Variants in MCU observed in about 807,000 individuals in gnomAD.
MCU encodes the protein mitochondrial calcium uniporter, also known as calcium uniporter protein, mitochondrial.
In MCU, 12 loss-of-function variants were observed where a neutral mutation model predicts 45.2. The observed-to-expected ratio is 0.27, with a 90% CI of 0.17 to 0.43. MCU has a LOEUF of 0.43. MCU is among the 20% of genes least tolerant of loss of function. The pLI is 1.00. For missense variants in MCU, 324 were observed against 436.7 expected, an observed-to-expected ratio of 0.74 and a Z score of 2.30; for synonymous variants, 160 against 165.1, an observed-to-expected ratio of 0.97 and a Z score of 0.24.
chr10:72,808,971 C>T (rs192862471), intron 1 of MCU, among the ~76,000 whole-genome samples: 27 of 152,292 alleles, frequency 1.8e-4, no homozygotes, highest in African/African-American at 5.3e-4. Flanking sequence ...AGAGCCAAAC[C>T]GTATCACCTT....
Position 72,868,869 on chromosome 10 carries a change from A to T in MCU, c.657+6A>T. 2 of 1,611,358 alleles carry T rather than the reference A, an allele frequency of 1.2e-6. No individual in the cohort carries two copies. Among genetic ancestry groups the T allele is most frequent in the South Asian group, 1.1e-5 (1 of 90,862 alleles). On this transcript the variant is annotated splice_donor_region_variant and intron_variant, in intron 5 of 7. Coordinates refer to ENST00000373053, the MANE Select transcript of MCU (RefSeq NM_138357.3). ...AGCTGGCTCCCCTGGAAAAGGTAAAACTTCCAATCTCAGGTTTTTTACCTT... is the reference window on the plus strand; with the variant it reads ...AGCTGGCTCCCCTGGAAAAGGTAAATCTTCCAATCTCAGGTTTTTTACCTT...
intron 1 of MCU, among the ~76,000 whole-genome samples, chr10:72,760,023 A>G (rs1291429742): frequency 2.1e-5 from 3 of 146,056 alleles, no homozygotes; most frequent in Non-Finnish European, 4.5e-5. Context: ...ATGCTACATT[A>G]TTTTTAAATT....
At chr10:72,726,486 G>A (rs1843103584) in intron 1 of MCU, among the ~76,000 whole-genome samples, 1 of 151,926 alleles carries the variant, frequency 6.6e-6, no homozygotes, top group African/African-American at 2.4e-5. Flanking sequence ...TATTTTACTG[G>A]TGGACATTCA....
chr10:72,749,138 T>TG (rs1482754394), intron 1 of MCU, among the ~76,000 whole-genome samples: 1 of 151,990 alleles, frequency 6.6e-6, no homozygotes, highest in Non-Finnish European at 1.5e-5. Context: ...GTTTTTTTTT[T>TG]GCCAGTCATG....
Position 72,879,069 on chromosome 10 carries a change from G to A in MCU, c.862-5197G>A, listed in dbSNP as rs553481913. Among the ~76,000 whole-genome samples the A allele has an allele frequency of 1.4e-3, 220 of 152,260 alleles. 2 individuals are homozygous for A. The highest frequency in any genetic ancestry group is 4.8e-3 in the African/African-American group (201 of 41,546). On this transcript the variant is annotated intron_variant, in intron 6 of 7. Coordinates refer to ENST00000373053, the MANE Select transcript of MCU (RefSeq NM_138357.3). ...ACTTGAAGCCAGGGGTTTGAGACCAGCCTGGCCAACATGGCGAAACCCCTT... is the reference window on the plus strand; with the variant it reads ...ACTTGAAGCCAGGGGTTTGAGACCAACCTGGCCAACATGGCGAAACCCCTT...
At chr10:72,731,599 C>T (rs1843175307) in intron 1 of MCU, among the ~76,000 whole-genome samples, 2 of 152,106 alleles carry the variant, frequency 1.3e-5, no homozygotes, top group Admixed American at 1.3e-4. Flanking sequence ...AAACAACAAT[C>T]CATGTTTAGC....
At chr10:72,841,601 A>G (rs1845048932) in intron 2 of MCU, among the ~76,000 whole-genome samples, 1 of 152,130 alleles carries the variant, frequency 6.6e-6, no homozygotes, top group South Asian at 2.1e-4. Context: ...CCTGACCCCA[A>G]AAAAATTTTT....
chr10:72,853,388 T>G (rs1380333163), intron 2 of MCU, among the ~76,000 whole-genome samples: 1 of 151,976 alleles, frequency 6.6e-6, no homozygotes, highest in Non-Finnish European at 1.5e-5. Context: ...ACCAGGAAAT[T>G]AGACACTGCA....
At chr10:72,715,231 G>A in intron 1 of MCU, 1 of 943,970 alleles carries the variant, frequency 1.1e-6, no homozygotes, top group Non-Finnish European at 1.3e-6. Context: ...AGTCAAGTAA[G>A]TGCCTTTTTT....
At position 72,711,633 on chromosome 10, in the gene MCU, C is replaced by T. The variant is rs1005406787; in HGVS notation, c.150+19332C>T. 2.6e-5 allele frequency among the ~76,000 whole-genome samples: 4 copies of T among 151,204 alleles called. No individual in the cohort carries two copies. In the East Asian group the frequency reaches 5.8e-4, roughly 22 times the overall value. On this transcript the variant is annotated intron_variant, in intron 1 of 7. Coordinates refer to ENST00000373053, the MANE Select transcript of MCU (RefSeq NM_138357.3). ...GCTGAGGTGGGAGGATTGCTTGAGG[C>T]CAGTAGTTTGAGGTTACACTGAGCT...
chr10:72,804,788 C>A (rs916835507), intron 1 of MCU, among the ~76,000 whole-genome samples: 12 of 152,276 alleles, frequency 7.9e-5, no homozygotes, highest in Admixed American at 3.3e-4. Flanking sequence ...CGATAAATTT[C>A]TTCTTACTTA....
At chr10:72,787,036 G>A (rs977092285) in intron 1 of MCU, among the ~76,000 whole-genome samples, 31 of 152,018 alleles carry the variant, frequency 2.0e-4, no homozygotes, top group Admixed American at 1.1e-3. Flanking sequence ...TTAATCTCAC[G>A]CTTAAAGGGT....
At chr10:72,707,613 GT>G (rs1842840389) in intron 1 of MCU, among the ~76,000 whole-genome samples, 2 of 140,538 alleles carry the variant, frequency 1.4e-5, no homozygotes, top group Non-Finnish European at 3.0e-5. Context: ...AGTGGTGTGT[GT>G]GTGTGTGTGT....
intron 3 of MCU, chr10:72,860,205 A>G (rs1845355358): frequency 3.8e-6 from 2 of 519,912 alleles, no homozygotes; most frequent in Non-Finnish European, 6.9e-6. Flanking sequence ...ACTTGTTCAT[A>G]TAGTTCACAG....
rs188291387 is a variant in MCU, at chr10:72,752,778, G to C, written c.150+60477G>C. ...GCAGAGCAATGGCTGCTGTGTGACT[G>C]TAAGTTTGGAATTTATGGTAATAGA... On this transcript the variant is annotated intron_variant, in intron 1 of 7. Transcript: ENST00000373053. Among the ~76,000 whole-genome samples the C allele has an allele frequency of 5.9e-5, 9 of 152,298 alleles. No homozygotes were observed. The East Asian group carries it at 1.5e-3, about 26-fold the overall frequency.
chr10:72,837,837 A>G (rs1447778842), intron 2 of MCU, among the ~76,000 whole-genome samples: 1 of 151,804 alleles, frequency 6.6e-6, no homozygotes, highest in African/African-American at 2.4e-5. Context: ...TTGAGAGTGA[A>G]AGGAGATGCC....
At chr10:72,795,517 G>T (rs558223290) in intron 1 of MCU, among the ~76,000 whole-genome samples, 1 of 152,276 alleles carries the variant, frequency 6.6e-6, no homozygotes, top group East Asian at 1.9e-4. Flanking sequence ...TACTTTTAGA[G>T]ATGTTGAAAT....
intron 1 of MCU, among the ~76,000 whole-genome samples, chr10:72,745,642 T>C (rs1843404946): frequency 6.6e-6 from 1 of 152,226 alleles, no homozygotes; most frequent in Non-Finnish European, 1.5e-5. Flanking sequence ...AGAGCCTTTT[T>C]TCTTGTTTGT....
intron 2 of MCU, among the ~76,000 whole-genome samples, chr10:72,852,995 G>T (rs1052298780): frequency 8.5e-5 from 13 of 152,164 alleles, no homozygotes; most frequent in African/African-American, 2.7e-4. Flanking sequence ...TAGAATAAAG[G>T]ATTCTCTAGA....
Sources: gnomAD v4.1 joint callset for allele counts (sites outside exome capture counted in the v4.1 genomes callset) on GRCh38, gnomAD v4.1.1 for gene constraint, MANE v1.5 for transcripts, NCBI Gene and HGNC (gene_info 2026-07-23, HGNC 2026-07-21) for gene names.